ARRB2: variants seen among roughly 807,000 people sequenced by gnomAD.
ARRB2 encodes the protein beta-arrestin-2.
A neutral mutation model predicts 53.4 loss-of-function variants in ARRB2; 21 were observed. The observed-to-expected ratio is 0.39, with a 90% CI of 0.28 to 0.57. The LOEUF (loss-of-function observed/expected upper bound fraction) is 0.57, where lower values mean the gene tolerates loss of function less well. ARRB2 is among the 20% of genes least tolerant of loss of function. ARRB2 has a pLI of 0.55. For synonymous variants in ARRB2, 180 were observed against 212.9 expected (o/e 0.85, Z 1.34); for missense variants, 369 against 527.5 (o/e 0.70, Z 2.94).
chr17:4,719,126 A>C (rs368472025), intron 10 of ARRB2, among the ~76,000 whole-genome samples, 157 bp from the exon 11 acceptor site: 4 of 152,296 alleles, frequency 2.6e-5, no homozygotes, highest in African/African-American at 9.6e-5. Flanking sequence ...CAGGCTGTTA[A>C]TTTTCTTGAG....
At chr17:4,715,634 G>A in intron 2 of ARRB2, 3 of 371,006 alleles carry the variant, frequency 8.1e-6, no homozygotes, top group East Asian at 5.8e-5. Context: ...CCTCCCTGAG[G>A]ACACACACAG....
In ARRB2 at chr17:4,717,659, ATG is replaced by A. The variant is rs1567683932; in HGVS notation, c.418-23_418-22del. ...GATGGTGGCGGGAGCCTCCGGTAAGATGTGGCCTTTTCTCCCCTCCCCGAGGC... is the reference window on the plus strand; with the variant it reads ...GATGGTGGCGGGAGCCTCCGGTAAGATGGCCTTTTCTCCCCTCCCCGAGGC... On this transcript the variant is annotated intron_variant, in intron 6 of 14. Transcript: ENST00000269260. This position sits in a 1 kb window ranked among gnomAD's most constrained non-coding sequence, Gnocchi z 6.0. 2 of 1,613,740 alleles carry A rather than the reference ATG, an allele frequency of 1.2e-6. No individual in the cohort carries two copies. Among genetic ancestry groups the A allele is most frequent in the African/African-American group, 2.7e-5 (2 of 74,892 alleles).
chr17:4,719,738 C>G (rs1915499933), intron 11 of ARRB2, among the ~76,000 whole-genome samples: 1 of 152,082 alleles, frequency 6.6e-6, no homozygotes, highest in African/African-American at 2.4e-5. Flanking sequence ...AGAGAGAAAA[C>G]AAAGACTCAG....
In ARRB2 at chr17:4,710,675, A is replaced by C. The variant is rs1372072525; in HGVS notation, c.-47A>C. The stretch of plus-strand genomic sequence containing the variant: ...GCAGGGATCTTGGCAGCGGGCGAGG[A>C]GGCTGCGAGCGAGCCGCGAACCGAG... On this transcript the variant is annotated 5_prime_UTR_variant, in exon 1 of 15. Coordinates refer to ENST00000269260, the MANE Select transcript of ARRB2 (RefSeq NM_004313.4). The C allele has an allele frequency of 2.5e-6, 1 of 397,838 alleles. No individual in the cohort carries two copies. Among genetic ancestry groups the C allele is most frequent in the Non-Finnish European group, 4.4e-6 (1 of 225,808 alleles). 24.6% of individuals were successfully genotyped at this position (397,838 alleles called of 1,614,324 possible).
chr17:4,715,930 A>G, intron 2 of ARRB2, 43 bp from the exon 3 acceptor site: 2 of 1,613,050 alleles, frequency 1.2e-6, no homozygotes, highest in African/African-American at 1.3e-5. Flanking sequence ...ATGCCCTGTC[A>G]CCATCCTCCC....
intron 2 of ARRB2, chr17:4,715,713 AC>A (rs1914947356): frequency 3.5e-5 from 16 of 462,812 alleles, no homozygotes; most frequent in Non-Finnish European, 5.1e-5. Flanking sequence ...ACACACACAC[AC>A]ACACACACAC....
In ARRB2 at chr17:4,716,538, G is replaced by A. The variant is rs756689239; in HGVS notation, c.287G>A (p.Arg96Gln). The A allele has an allele frequency of 3.2e-5, 17 of 533,742 alleles. No homozygotes were observed. The highest frequency in any genetic ancestry group is 4.6e-5 in the Non-Finnish European group (15 of 328,120). The allele number at this position is 533,742 out of a possible 1,614,324, so 33.1% of individuals were successfully genotyped here. A position where few individuals can be genotyped will look rare whatever the true frequency, so the allele number is the denominator to read the frequency against. Residue 96 changes from arginine to glutamine, a missense_variant, in exon 5 of 15, where the codon CGG (arginine) becomes CAG (glutamine). Transcript: ENST00000269260. ...TTCCCCCCGGTGCCCAACCCACCCCGGCCCCCCACCCGCCTGCAGGACCGG... is the reference window on the plus strand; with the variant it reads ...TTCCCCCCGGTGCCCAACCCACCCCAGCCCCCCACCCGCCTGCAGGACCGG... ...QAFPPVPNPP[R>Q]PPTRLQDRLL...
chr17:4,715,297 C>T (rs1914833494), intron 2 of ARRB2: 2 of 520,906 alleles, frequency 3.8e-6, no homozygotes, highest in East Asian at 6.4e-5. Flanking sequence ...AGGCCAAAAG[C>T]AAGCCATGTG....
chr17:4,711,125 C>G (rs1020007744), intron 1 of ARRB2, among the ~76,000 whole-genome samples: 1 of 152,062 alleles, frequency 6.6e-6, no homozygotes, highest in Non-Finnish European at 1.5e-5. Context: ...ACTCCAGACT[C>G]GCGCCAAGCC....
At position 4,718,073 on chromosome 17, in the gene ARRB2, G is replaced by T. The variant is rs527938754; in HGVS notation, c.621+50G>T. Reference sequence around the variant, plus strand: ...ATGCCACGGTGCAGTTTAGACCCTGGGGGAGGGGCGAAGCCACACATCAAG... The same window carrying T: ...ATGCCACGGTGCAGTTTAGACCCTGTGGGAGGGGCGAAGCCACACATCAAG... On this transcript the variant is annotated intron_variant, in intron 8 of 14. Transcript: ENST00000269260. 3 of 1,607,960 alleles carry T rather than the reference G, an allele frequency of 1.9e-6. No individual in the cohort carries two copies. In the African/African-American group the frequency reaches 4.0e-5, roughly 21 times the overall value.
intron 1 of ARRB2, among the ~76,000 whole-genome samples, chr17:4,714,144 C>G (rs1914712963): frequency 6.6e-6 from 1 of 152,086 alleles, no homozygotes; most frequent in Non-Finnish European, 1.5e-5. Flanking sequence ...AGGGAGCTAA[C>G]TATCCTTGTG....
rs1442867233 is a variant in ARRB2, at chr17:4,720,204, C to A, written c.918-12C>A. 1 of 1,608,044 alleles carries A rather than the reference C, an allele frequency of 6.2e-7. No individual in the cohort carries two copies. Among genetic ancestry groups the A allele is most frequent in the African/African-American group, 1.3e-5 (1 of 74,728 alleles). ...ATAGGCCCTGGTCTGACTCCAACAC[C>A]CTCAATTGCAGCGTGAAGGAGGGTG... On this transcript the variant is annotated splice_polypyrimidine_tract_variant and intron_variant, in intron 11 of 14. Coordinates refer to ENST00000269260, the MANE Select transcript of ARRB2 (RefSeq NM_004313.4).
At chr17:4,712,999 T>A (rs991451575) in intron 1 of ARRB2, among the ~76,000 whole-genome samples, 10 of 152,316 alleles carry the variant, frequency 6.6e-5, no homozygotes, top group South Asian at 2.1e-4. Context: ...TTTATTTATT[T>A]ATTTTTTGAG....
At position 4,715,046 on chromosome 17, in the gene ARRB2, G is replaced by A; in HGVS notation, c.54+3G>A. 6.2e-7 allele frequency: 1 copy of A among 1,605,974 alleles called. No individual in the cohort carries two copies. Among genetic ancestry groups the A allele is most frequent in the Non-Finnish European group, 8.5e-7 (1 of 1,176,082 alleles). On this transcript the variant is annotated splice_donor_region_variant and intron_variant, in intron 2 of 14. Transcript: ENST00000269260. ...AGAAGTCGAGCCCTAACTGCAAGGTGAGTCTCCACAGCACTTACCCTTTTG... is the reference window on the plus strand; with the variant it reads ...AGAAGTCGAGCCCTAACTGCAAGGTAAGTCTCCACAGCACTTACCCTTTTG...
rs1460042785 is a variant in ARRB2 at position 4,720,925 on chromosome 17, AC to A, written c.1137-18del. The A allele has an allele frequency of 6.2e-7, 1 of 1,612,192 alleles. No individual in the cohort carries two copies. Among genetic ancestry groups the A allele is most frequent in the East Asian group, 2.2e-5 (1 of 44,858 alleles). On this transcript the variant is annotated intron_variant, in intron 14 of 14. Transcript: ENST00000269260. ...AAGAGTCAGAAGCCCTCACCTCACA[AC>A]CCTCTTTCCCACCACCAAGCTATGC...
At position 4,719,279 on chromosome 17, in the gene ARRB2, C is replaced by G. The variant is rs1915439769; in HGVS notation, c.780-4C>G. ...GCATCTTGTTCTCTTGTCCCCACCC[C>G]CAGTGACCAGGTATCTCCCAGCTCC... On this transcript the variant is annotated splice_region_variant and splice_polypyrimidine_tract_variant and intron_variant, in intron 10 of 14. Coordinates refer to ENST00000269260, the MANE Select transcript of ARRB2 (RefSeq NM_004313.4). 1 of 1,610,468 alleles carries G rather than the reference C, an allele frequency of 6.2e-7. No homozygotes were observed. Among genetic ancestry groups the G allele is most frequent in the Admixed American group, 1.7e-5 (1 of 59,796 alleles).
chr17:4,712,224 A>C (rs28539426), intron 1 of ARRB2, among the ~76,000 whole-genome samples: 11,466 of 152,284 alleles, frequency 0.075, 507 homozygotes, highest in Middle Eastern at 0.15. Context: ...GGGATGAAAG[A>C]TAGGGTGTTT....
intron 12 of ARRB2, 46 bp downstream of exon 12, chr17:4,720,345 C>T (rs1915567861): frequency 6.2e-7 from 1 of 1,613,652 alleles, no homozygotes; most frequent in African/African-American, 1.3e-5. Context: ...CTGGCTCTCT[C>T]TAGTCCCATG....
Position 4,717,553 on chromosome 17 carries a change from C to T in ARRB2, c.418-132C>T, listed in dbSNP as rs1915197586. ...TTCTGGGCTTTGGAGAGGAAGAAGA[C>T]TTAGTCCCCAGGGTCGTGAGACCAC... On this transcript the variant is annotated intron_variant, in intron 6 of 14. Transcript: ENST00000269260. This position sits in a 1 kb window ranked among gnomAD's most constrained non-coding sequence, Gnocchi z 6.0. The T allele has an allele frequency of 8.1e-7, 1 of 1,240,400 alleles. No homozygotes were observed. The highest frequency in any genetic ancestry group is 1.2e-6 in the Non-Finnish European group (1 of 864,232). 76.8% of individuals were successfully genotyped at this position (1,240,400 alleles called of 1,614,324 possible).
Sources: gnomAD v4.1 joint callset for allele counts (sites outside exome capture counted in the v4.1 genomes callset) on GRCh38, gnomAD v4.1.1 for gene constraint, Gnocchi (gnomAD v3.1) non-coding constraint, MANE v1.5 for transcripts, NCBI Gene and HGNC (gene_info 2026-07-23, HGNC 2026-07-21) for gene names.